Variants in TUBB6 observed in about 807,000 individuals in gnomAD.
TUBB6 encodes tubulin beta 6 class V, also known as tubulin beta-6 chain.
Under a neutral mutation model 32.3 loss-of-function variants are expected in TUBB6, and 18 were observed. The observed-to-expected ratio is 0.56, with a 90% confidence interval of 0.39 to 0.83. The LOEUF (loss-of-function observed/expected upper bound fraction) is 0.83. Ranked by LOEUF, TUBB6 falls within the 40% of genes least tolerant of loss-of-function variation. The pLI, the probability that TUBB6 is intolerant of heterozygous loss-of-function variation, is 0.00. For synonymous variants in TUBB6, 280 were observed against 265.8 expected (o/e 1.05, Z -0.52); for missense variants, 480 against 632.0 (o/e 0.76, Z 2.58).
chr18:12,308,130 G>A (rs1369662663), upstream of TUBB6: 3 of 242,034 alleles, frequency 1.2e-5, no homozygotes, highest in African/African-American at 2.3e-5. Context: ...CTGCAGGCCG[G>A]GCCGCGGCGT....
intron 3 of TUBB6, among the ~76,000 whole-genome samples, chr18:12,321,857 G>T (rs898922167): frequency 1.3e-5 from 2 of 152,122 alleles, no homozygotes; most frequent in Admixed American, 1.3e-4. Context: ...AAGTATACTG[G>T]AATAAATTGC....
At chr18:12,309,973 A>G (rs1003830043) in intron 2 of TUBB6, among the ~76,000 whole-genome samples, 6 of 45,726 alleles carry the variant, frequency 1.3e-4, no homozygotes, top group African/African-American at 3.0e-4. Flanking sequence ...AAACCTGGCA[A>G]TTTGCTGTAA....
In TUBB6 at chr18:12,325,083, G is replaced by A. The variant is rs747821301; in HGVS notation, c.294G>A (p.Gly98=). 1.9e-6 allele frequency: 3 copies of A among 1,575,736 alleles called. No homozygotes were observed. The highest frequency in any genetic ancestry group is 1.7e-4 in the Middle Eastern group (1 of 5,888). ...TTGTTGCAGGCCAGACGGGTGCAGG[G>A]AACAACTGGGCGAAAGGGCACTACA... is the stretch of plus-strand genomic sequence containing the variant. ...DNFIFGQTGA[G]NNWAKGHYTE... The change falls in exon 4 of 4, where the codon GGG becomes GGA. Residue 98 remains glycine, a synonymous_variant. Coordinates refer to ENST00000317702, the MANE Select transcript of TUBB6 (RefSeq NM_032525.3).
intron 3 of TUBB6, among the ~76,000 whole-genome samples, chr18:12,324,383 GAAAGA>G (rs1907153395): frequency 1.3e-5 from 2 of 149,962 alleles, no homozygotes; most frequent in African/African-American, 4.9e-5. Flanking sequence ...AAAAAAGAAA[GAAAGA>G]AAAGAAAATA....
chr18:12,308,548 C>G, intron 1 of TUBB6, 139 bp from the exon 2 acceptor site: 2 of 766,026 alleles, frequency 2.6e-6, no homozygotes, highest in South Asian at 1.9e-5. Flanking sequence ...GCTCCCCACC[C>G]CCATCCCAAC....
In TUBB6 at chr18:12,308,748, C is replaced by A; in HGVS notation, c.119C>A (p.Ser40Ter). 1 of 1,613,144 alleles carries A rather than the reference C, an allele frequency of 6.2e-7. No homozygotes were observed. The highest frequency in any genetic ancestry group is 8.5e-7 in the Non-Finnish European group (1 of 1,179,348). Residue 40 changes from serine (S) to a stop codon, truncating the protein, a stop_gained, in exon 2 of 4, where the codon TCG becomes TAG. Transcript: ENST00000317702. LOFTEE classifies it high-confidence loss of function. ...IDPAGGYVGD[S>*]ALQLERINVY... is the part of the protein sequence containing the mutation. Reference sequence around the variant, plus strand: ...CCGGCCGGAGGCTACGTGGGAGACTCGGCGCTGCAGCTGGAGAGAATCAAC... The same window carrying A: ...CCGGCCGGAGGCTACGTGGGAGACTAGGCGCTGCAGCTGGAGAGAATCAAC...
rs190154312 is a variant in TUBB6 at position 12,308,526 on chromosome 18, C to T, written c.58-161C>T. 9 of 725,580 alleles carry T rather than the reference C, an allele frequency of 1.2e-5. No homozygotes were observed. In the East Asian group the frequency reaches 2.5e-4, roughly 20 times the overall value. 44.9% of individuals were successfully genotyped at this position (725,580 alleles called of 1,614,324 possible). The stretch of plus-strand genomic sequence containing the variant: ...GCCCGGGGCGTGGCCGGCCGGGGAC[C>T]TTCTACTCTTCGCTCCCCACCCCCA... On this transcript the variant is annotated intron_variant, in intron 1 of 3. Coordinates refer to ENST00000317702, the MANE Select transcript of TUBB6 (RefSeq NM_032525.3).
chr18:12,311,209 A>G (rs771359102), intron 3 of TUBB6, 156 bp downstream of exon 3: 11 of 606,142 alleles, frequency 1.8e-5, no homozygotes, highest in Admixed American at 3.2e-5. Context: ...TGGGTTCATC[A>G]CAAGGAACAG....
At chr18:12,311,867 ATT>A (rs1272925915) in intron 3 of TUBB6, among the ~76,000 whole-genome samples, 1 of 152,188 alleles carries the variant, frequency 6.6e-6, no homozygotes, top group Non-Finnish European at 1.5e-5. Flanking sequence ...TAGGTGGCAG[ATT>A]TGGAAGTTTC....
Position 12,325,529 on chromosome 18 carries a change from A to G in TUBB6, c.740A>G (p.Asn247Ser), listed in dbSNP as rs781396869. 8.7e-6 allele frequency: 14 copies of G among 1,614,090 alleles called. No homozygotes were observed. Among genetic ancestry groups the G allele is most frequent in the South Asian group, 4.4e-5 (4 of 91,096 alleles). ...TTSLRFPGQL[N>S]ADLRKLAVNM... is the part of the protein sequence containing the mutation. Reference sequence around the variant, plus strand: ...TCGCTGCGCTTCCCGGGCCAGCTCAATGCTGACCTGCGCAAGCTGGCGGTG... The same window carrying G: ...TCGCTGCGCTTCCCGGGCCAGCTCAGTGCTGACCTGCGCAAGCTGGCGGTG... The change falls in exon 4 of 4, where the codon AAT becomes AGT. Residue 247 changes from asparagine (N) to serine (S), a missense_variant. Physicochemically the swap from Asn to Ser is conservative, Grantham distance 46. Coordinates refer to ENST00000317702, the MANE Select transcript of TUBB6 (RefSeq NM_032525.3).
At chr18:12,317,049 G>C (rs527312869) in intron 3 of TUBB6, among the ~76,000 whole-genome samples, 1 of 151,954 alleles carries the variant, frequency 6.6e-6, no homozygotes, top group Non-Finnish European at 1.5e-5. Flanking sequence ...CCAGCTACTC[G>C]GGAGGCTGAG....
intron 3 of TUBB6, among the ~76,000 whole-genome samples, chr18:12,324,319 G>A (rs1275633042): frequency 5.3e-5 from 8 of 152,054 alleles, no homozygotes; most frequent in Non-Finnish European, 8.8e-5. Flanking sequence ...GCAATGAGCC[G>A]AGATTGCGCC....
chr18:12,328,934 G>A, downstream of TUBB6: 2 of 475,730 alleles, frequency 4.2e-6, no homozygotes, highest in Non-Finnish European at 7.5e-6. Context: ...GCATAAATAG[G>A]GACCCTATGT....
At position 12,308,572 on chromosome 18, in the gene TUBB6, C is replaced by G. The variant is rs368081665; in HGVS notation, c.58-115C>G. 41 of 845,974 alleles carry G rather than the reference C, an allele frequency of 4.8e-5. No homozygotes were observed. The South Asian group carries it at 6.4e-4, about 13-fold the overall frequency. The allele number at this position is 845,974 out of a possible 1,614,324, so 52.4% of individuals were successfully genotyped here. On this transcript the variant is annotated intron_variant, in intron 1 of 3. Transcript: ENST00000317702. ...CCCCATCCCAACTGGGAGCGGCTGCCGGCGGCTCAGGCGCGCCTGGAATTC... is the reference window on the plus strand; with the variant it reads ...CCCCATCCCAACTGGGAGCGGCTGCGGGCGGCTCAGGCGCGCCTGGAATTC...
chr18:12,326,925 G>C (rs1907357663), downstream of TUBB6, among the ~76,000 whole-genome samples: 1 of 152,142 alleles, frequency 6.6e-6, no homozygotes. Context: ...TGGGAGCTGG[G>C]GTGCCAACAG....
intron 3 of TUBB6, among the ~76,000 whole-genome samples, chr18:12,319,953 AT>A (rs1432000367): frequency 6.6e-6 from 1 of 151,660 alleles, no homozygotes; most frequent in African/African-American, 2.4e-5. Flanking sequence ...TGCCATGCTA[AT>A]TTTTTTTATA....
chr18:12,326,593 G>C lies in TUBB6; in HGVS notation c.*463G>C, dbSNP rs1181060308. ...CATCTCTCTAGCCATGTGCATAAAT[G>C]ACGTAAGTTACTTTGTATGGTTACA... On this transcript the variant is annotated 3_prime_UTR_variant, in exon 4 of 4. Transcript: ENST00000317702. 1 of 165,084 alleles carries C rather than the reference G, an allele frequency of 6.1e-6. No homozygotes were observed. The highest frequency in any genetic ancestry group is 1.3e-5 in the Non-Finnish European group (1 of 74,952). 10.2% of individuals were successfully genotyped at this position (165,084 alleles called of 1,614,324 possible). A position where few individuals can be genotyped will look rare whatever the true frequency, so the allele number is the denominator to read the frequency against.
chr18:12,316,125 C>T (rs1274551686), intron 3 of TUBB6, among the ~76,000 whole-genome samples: 1 of 152,232 alleles, frequency 6.6e-6, no homozygotes, highest in Non-Finnish European at 1.5e-5. Context: ...CACCAGCAGT[C>T]AACGCAGTGC....
intron 3 of TUBB6, among the ~76,000 whole-genome samples, chr18:12,320,287 A>C (rs4796963): frequency 0.79 from 120,545 of 151,826 alleles, 49,163 homozygotes; most frequent in Non-Finnish European, 0.89. Flanking sequence ...TCATAAAATA[A>C]ATGTTTTAGT....
Sources: allele counts gnomAD v4.1 joint callset (sites outside exome capture counted in the v4.1 genomes callset), GRCh38; gene constraint gnomAD v4.1.1; transcripts MANE v1.5; gene names NCBI Gene and HGNC (gene_info 2026-07-23, HGNC 2026-07-21).